FIP1L1: variants seen among roughly 807,000 people sequenced by gnomAD.
FIP1L1 encodes the protein factor interacting with PAPOLA and CPSF1.
In FIP1L1, 21 loss-of-function variants were observed where a neutral mutation model predicts 84.6. The ratio of observed to expected loss-of-function variants is 0.25; its 90% CI spans 0.18 to 0.36. The LOEUF (loss-of-function observed/expected upper bound fraction) is 0.36. Among genes scored for constraint, FIP1L1 ranks in the 10% least tolerant of loss-of-function variants. The probability of loss-of-function intolerance (pLI) is 1.00; values close to 1 mark genes in which losing one functional copy is unlikely to be tolerated. For missense variants in FIP1L1, 526 were observed against 751.1 expected, an observed-to-expected ratio of 0.70 and a Z score of 3.50; for synonymous variants, 263 against 242.3, an observed-to-expected ratio of 1.09 and a Z score of -0.80.
At position 53,390,236 on chromosome 4, in the gene FIP1L1, G is replaced by A. The variant is rs1020610361; in HGVS notation, c.398-285G>A. On this transcript the variant is annotated intron_variant, in intron 6 of 17. Coordinates refer to ENST00000337488, the MANE Select transcript of FIP1L1 (RefSeq NM_030917.4). ...ATTCCATGTGTGAGCCACTGCGCCC[G>A]GCCAAGGTGATAATAGCTCTTTTTA... Among the ~76,000 whole-genome samples the A allele has an allele frequency of 1.4e-4, 21 of 152,110 alleles. No individual in the cohort carries two copies. The East Asian group carries it at 2.7e-3, about 20-fold the overall frequency.
intron 11 of FIP1L1, among the ~76,000 whole-genome samples, chr4:53,419,620 GTAGAGATGAGGT>G (rs1490025383): frequency 1.3e-5 from 2 of 151,766 alleles, no homozygotes; most frequent in Admixed American, 6.6e-5. Context: ...TTTATTTTTT[GTAGAGATGAGGT>G]CTCACTATGT....
intron 9 of FIP1L1, among the ~76,000 whole-genome samples, chr4:53,398,499 G>C (rs1199434428): frequency 6.6e-6 from 1 of 152,154 alleles, no homozygotes; most frequent in African/African-American, 2.4e-5. Context: ...AATTGAATTG[G>C]TGGTTCAAAT....
At chr4:53,440,943 A>G (rs1332042954) in intron 13 of FIP1L1, 1 of 186,352 alleles carries the variant, frequency 5.4e-6, no homozygotes, top group Non-Finnish European at 1.1e-5. Context: ...AGTGACTATA[A>G]GAGAAGAGAA....
chr4:53,402,966 A>T (rs1390557794), intron 10 of FIP1L1, among the ~76,000 whole-genome samples: 3 of 152,118 alleles, frequency 2.0e-5, no homozygotes, highest in African/African-American at 7.2e-5. Context: ...TTCTCTTCTG[A>T]TTGCTTTCAT....
At chr4:53,449,680 G>A (rs1775613425) in intron 15 of FIP1L1, among the ~76,000 whole-genome samples, 1 of 152,060 alleles carries the variant, frequency 6.6e-6, no homozygotes, top group African/African-American at 2.4e-5. Flanking sequence ...TTTGCTGGGA[G>A]TTTGTGTAAT....
intron 10 of FIP1L1, among the ~76,000 whole-genome samples, chr4:53,407,895 T>C (rs1322196843): frequency 2.6e-5 from 4 of 152,180 alleles, no homozygotes; most frequent in Non-Finnish European, 5.9e-5. Flanking sequence ...TGTCTCTGCA[T>C]GTGAGATGTG....
chr4:53,402,229 A>G (rs1750631162), intron 10 of FIP1L1, among the ~76,000 whole-genome samples: 1 of 152,232 alleles, frequency 6.6e-6, no homozygotes, highest in South Asian at 2.1e-4. Context: ...TCATTTGTAT[A>G]AAATGAAGAT....
At chr4:53,384,259 AT>A (rs1181411541) in intron 5 of FIP1L1, among the ~76,000 whole-genome samples, 1 of 152,012 alleles carries the variant, frequency 6.6e-6, no homozygotes, top group Admixed American at 6.5e-5. Flanking sequence ...AAATACAATA[AT>A]TAGCCAGGCA....
chr4:53,402,447 A>G (rs1193366891), intron 10 of FIP1L1, among the ~76,000 whole-genome samples: 1 of 152,180 alleles, frequency 6.6e-6, no homozygotes, highest in Non-Finnish European at 1.5e-5. Context: ...CATGCCTGTA[A>G]TCTGAGCACT....
chr4:53,404,375 T>G (rs1578384506), intron 10 of FIP1L1, among the ~76,000 whole-genome samples: 1 of 152,062 alleles, frequency 6.6e-6, no homozygotes. Context: ...TATTCCATGG[T>G]GTATATGTGC....
At chr4:53,437,579 G>A (rs1160719355) in intron 13 of FIP1L1, among the ~76,000 whole-genome samples, 2 of 151,924 alleles carry the variant, frequency 1.3e-5, no homozygotes, top group African/African-American at 2.4e-5. Flanking sequence ...AAATTTAGGG[G>A]AATGTAGGTT....
chr4:53,454,475 G>A (rs745869260), intron 16 of FIP1L1, among the ~76,000 whole-genome samples: 1 of 152,146 alleles, frequency 6.6e-6, no homozygotes, highest in Non-Finnish European at 1.5e-5. Flanking sequence ...TAATGTAATG[G>A]AATTGCATCC....
chr4:53,393,344 T>G (rs540500658), intron 9 of FIP1L1, among the ~76,000 whole-genome samples: 1 of 152,210 alleles, frequency 6.6e-6, no homozygotes, highest in Non-Finnish European at 1.5e-5. Context: ...CAAATAGAAT[T>G]TTTTCATCCT....
At chr4:53,382,207 A>C in intron 3 of FIP1L1, 71 bp from the exon 4 acceptor site, 7 of 1,054,320 alleles carry the variant, frequency 6.6e-6, no homozygotes, top group South Asian at 1.4e-5. Context: ...AAGCTTAGAA[A>C]TACTAATATA....
Position 53,377,685 on chromosome 4 carries a change from C to T in FIP1L1, c.-154C>T. The T allele has an allele frequency of 3.1e-6, 2 of 652,046 alleles. No homozygotes were observed. Among genetic ancestry groups the T allele is most frequent in the South Asian group, 4.5e-5 (2 of 43,980 alleles). 40.4% of individuals were successfully genotyped at this position (652,046 alleles called of 1,614,324 possible). ...TGCGCTGGAGGCTTCATCTTTGCCG[C>T]CGCTGCCGTCGCCTTCCTGGGATTG... On this transcript the variant is annotated 5_prime_UTR_variant, in exon 1 of 18. Coordinates refer to ENST00000337488, the MANE Select transcript of FIP1L1 (RefSeq NM_030917.4).
chr4:53,434,574 C>T lies in FIP1L1; in HGVS notation c.1174+6391C>T, dbSNP rs1436038098. Among the ~76,000 whole-genome samples, 116 of 151,748 alleles carry T rather than the reference C, an allele frequency of 7.6e-4. 1 individual carries two copies. The highest frequency in any genetic ancestry group is 3.7e-4 in the Non-Finnish European group (25 of 67,944). On this transcript the variant is annotated intron_variant, in intron 13 of 17. Transcript: ENST00000337488. Reference sequence around the variant, plus strand: ...GCAACCTCTGCCTCCCAGGTTCAAGCGATTCTCCTGCCTCAGCCTCCCGAG... The same window carrying T: ...GCAACCTCTGCCTCCCAGGTTCAAGTGATTCTCCTGCCTCAGCCTCCCGAG...
intron 6 of FIP1L1, 68 bp downstream of exon 6, chr4:53,389,941 CTTTTT>C: frequency 9.1e-7 from 1 of 1,093,380 alleles, no homozygotes; most frequent in Non-Finnish European, 1.3e-6. Flanking sequence ...GTCTTAATAG[CTTTTT>C]TTTTTAGTCG....
intron 17 of FIP1L1, 74 bp from the exon 18 acceptor site, chr4:53,459,228 T>TA (rs1159608613): frequency 7.6e-6 from 8 of 1,051,434 alleles, no homozygotes; most frequent in South Asian, 1.6e-5. Context: ...AGAATTTCCT[T>TA]AGAGTGATTG....
At chr4:53,402,828 A>G (rs977976233) in intron 10 of FIP1L1, among the ~76,000 whole-genome samples, 5 of 152,204 alleles carry the variant, frequency 3.3e-5, no homozygotes, top group African/African-American at 1.2e-4. Flanking sequence ...ATGAGATGTA[A>G]TATGAAGTAG....
Sources: allele counts gnomAD v4.1 joint callset (sites outside exome capture counted in the v4.1 genomes callset), GRCh38; gene constraint gnomAD v4.1.1; transcripts MANE v1.5; gene names NCBI Gene and HGNC (gene_info 2026-07-23, HGNC 2026-07-21).